The following CAPN2 variants were observed in gnomAD, a reference collection of about 807,000 sequenced individuals.
CAPN2 encodes the protein calpain 2.
Under a neutral mutation model 102.3 loss-of-function variants are expected in CAPN2, and 92 were observed. The observed-to-expected ratio is 0.90, with a 90% confidence interval of 0.76 to 1.07. The LOEUF (loss-of-function observed/expected upper bound fraction) is 1.07, where lower values mean the gene tolerates loss of function less well. CAPN2 is among the 50% of genes least tolerant of loss of function. The pLI is 0.00. For missense variants in CAPN2, 800 were observed against 909.4 expected (o/e 0.88, Z 1.55); for synonymous variants, 340 against 355.4 (o/e 0.96, Z 0.49).
rs1021662189 is a variant in CAPN2 at position 223,775,963 on chromosome 1, A to G, written c.*1106A>G. 13 of 152,586 alleles carry G rather than the reference A, an allele frequency of 8.5e-5. No homozygotes were observed. The highest frequency in any genetic ancestry group is 2.9e-4 in the African/African-American group (12 of 41,452). The allele number at this position is 152,586 out of a possible 1,614,324, so 9.5% of individuals were successfully genotyped here. On this transcript the variant is annotated 3_prime_UTR_variant, in exon 21 of 21. Transcript: ENST00000295006. ...CTCTGTAAATTCATGTATTCAAAGG[A>G]AAAGACACCTTGCCTATAATTAAAA...
intron 6 of CAPN2, 42 bp from the exon 7 acceptor site, chr1:223,750,848 T>G (rs1477994773): frequency 6.5e-7 from 1 of 1,537,972 alleles, no homozygotes; most frequent in Admixed American, 2.0e-5. Context: ...AGCCCTGACT[T>G]GAACTCAACC....
At chr1:223,710,502 C>T (rs998543382), upstream of CAPN2, among the ~76,000 whole-genome samples, 3 of 152,124 alleles carry the variant, frequency 2.0e-5, no homozygotes, top group African/African-American at 7.2e-5. Flanking sequence ...CCTCCTTAGC[C>T]GAGGCTCTTA....
At chr1:223,729,735 G>A (rs1285880571) in intron 2 of CAPN2, among the ~76,000 whole-genome samples, 1 of 152,118 alleles carries the variant, frequency 6.6e-6, no homozygotes, top group Non-Finnish European at 1.5e-5. Context: ...GGGTGCGGTG[G>A]CTCACACCTG....
chr1:223,707,236 T>TTCTCTCTG (rs1659629465), intron 1 of CAPN2, among the ~76,000 whole-genome samples: 1 of 134,058 alleles, frequency 7.5e-6, no homozygotes, highest in African/African-American at 3.0e-5. Context: ...TTCTCTTATT[T>TTCTCTCTG]TCTCTCTCTC....
intron 5 of CAPN2, among the ~76,000 whole-genome samples, chr1:223,748,414 C>T (rs1004649174): frequency 2.0e-5 from 3 of 152,264 alleles, no homozygotes; most frequent in African/African-American, 7.2e-5. Context: ...CTTTCTGCTC[C>T]AGCCCTTCTT....
chr1:223,746,937 TGAG>T, intron 4 of CAPN2, 57 bp from the exon 5 acceptor site: 1 of 1,483,674 alleles, frequency 6.7e-7, no homozygotes, highest in Non-Finnish European at 9.3e-7. Flanking sequence ...GGTGGCTGTT[TGAG>T]AGATTATAGC....
Position 223,719,831 on chromosome 1 carries a change from T to TGTGTGTGTGC in CAPN2, c.307+2001_307+2002insTGTGTGTGCG, listed in dbSNP as rs1491465648. Among the ~76,000 whole-genome samples the TGTGTGTGTGC allele has an allele frequency of 6.8e-3, 661 of 96,760 alleles. 2 individuals are homozygous for TGTGTGTGTGC. The highest frequency in any genetic ancestry group is 0.021 in the Middle Eastern group (3 of 146). 63.5% of individuals were successfully genotyped at this position (96,760 alleles called of 152,430 possible). ...GTGTGTGTGTGTGTGTGTGTGTGTG[T>TGTGTGTGTGC]GCGCGCGCGCGCGTATAATGCAGTA... is the stretch of plus-strand genomic sequence containing the variant. On this transcript the variant is annotated intron_variant, in intron 2 of 20. Coordinates refer to ENST00000295006, the MANE Select transcript of CAPN2 (RefSeq NM_001748.5).
chr1:223,744,483 T>TAA (rs1171801536), intron 3 of CAPN2, among the ~76,000 whole-genome samples: 1 of 148,406 alleles, frequency 6.7e-6, no homozygotes, highest in Non-Finnish European at 1.5e-5. Flanking sequence ...TTCCCAAGTT[T>TAA]AAAAAAAAAA....
At chr1:223,705,859 A>C (rs1659592062) in intron 1 of CAPN2, among the ~76,000 whole-genome samples, 1 of 152,252 alleles carries the variant, frequency 6.6e-6, no homozygotes, top group Admixed American at 6.5e-5. Flanking sequence ...AAATAATTTC[A>C]CATACACTGT....
At chr1:223,715,502 G>A (rs1241514615) in intron 1 of CAPN2, among the ~76,000 whole-genome samples, 4 of 152,130 alleles carry the variant, frequency 2.6e-5, no homozygotes, top group Non-Finnish European at 4.4e-5. Flanking sequence ...GTGGGCAGGG[G>A]AGGGGAGCAG....
Position 223,743,924 on chromosome 1 carries a change from A to G in CAPN2, c.308-176A>G, listed in dbSNP as rs28370049. ...AAAAATCACAATTACTTTTACACCA[A>G]CCTAATAGCCCCCAAACCCTCTGAC... On this transcript the variant is annotated intron_variant, in intron 2 of 20. Transcript: ENST00000295006. Among the ~76,000 whole-genome samples the G allele has an allele frequency of 0.024, 3,692 of 152,014 alleles. 160 individuals are homozygous for G. The highest frequency in any genetic ancestry group is 0.085 in the African/African-American group (3,505 of 41,454).
intron 2 of CAPN2, among the ~76,000 whole-genome samples, chr1:223,741,722 T>G (rs1170084311): frequency 6.6e-6 from 1 of 152,104 alleles, no homozygotes; most frequent in Non-Finnish European, 1.5e-5. Flanking sequence ...CCCAAAGTGC[T>G]GGGATTAAGA....
intron 1 of CAPN2, among the ~76,000 whole-genome samples, chr1:223,716,044 T>C (rs1374539342): frequency 6.6e-6 from 1 of 152,192 alleles, no homozygotes; most frequent in African/African-American, 2.4e-5. Context: ...ACCTACATAA[T>C]AAGTGGCAGA....
chr1:223,753,254 G>A (rs1250345960), intron 9 of CAPN2, among the ~76,000 whole-genome samples: 4 of 152,126 alleles, frequency 2.6e-5, no homozygotes, highest in Non-Finnish European at 5.9e-5. Flanking sequence ...ATGACCTTCA[G>A]CCTGACCTTC....
chr1:223,733,878 A>G (rs1253506737), intron 2 of CAPN2, among the ~76,000 whole-genome samples: 2 of 152,228 alleles, frequency 1.3e-5, no homozygotes, highest in Admixed American at 6.5e-5. Flanking sequence ...AAATGAATAC[A>G]GGAATGCTCA....
At chr1:223,747,336 A>G (rs945191089) in intron 5 of CAPN2, among the ~76,000 whole-genome samples, 171 bp downstream of exon 5, 3 of 152,324 alleles carry the variant, frequency 2.0e-5, no homozygotes, top group Middle Eastern at 3.4e-3. Context: ...CTGAAAATCA[A>G]CTGGCAAAAG....
chr1:223,721,082 C>T (rs955434785), intron 2 of CAPN2, among the ~76,000 whole-genome samples: 9 of 152,226 alleles, frequency 5.9e-5, no homozygotes, highest in Admixed American at 5.2e-4. Context: ...CACCCACGCT[C>T]CTTCCCAGAA....
rs764351128 is a variant in CAPN2, at chr1:223,756,745, G to A, written c.1306-624G>A. 1.2e-4 allele frequency among the ~76,000 whole-genome samples: 18 copies of A among 152,148 alleles called. No homozygotes were observed. The highest frequency in any genetic ancestry group is 3.9e-4 in the Admixed American group (6 of 15,280). ...AATGCACATAGGCCTAAACCCCTCC[G>A]TCTCTGAAACAGGAGCTGAGGACTT... On this transcript the variant is annotated intron_variant, in intron 10 of 20. Transcript: ENST00000295006. This position sits in a 1 kb window ranked among gnomAD's most constrained non-coding sequence, Gnocchi z 4.1.
At chr1:223,717,917 C>A in intron 2 of CAPN2, 86 bp downstream of exon 2, 3 of 1,014,436 alleles carry the variant, frequency 3.0e-6, no homozygotes, top group Admixed American at 3.8e-5. Flanking sequence ...TGGCTTCTCT[C>A]CCTTCCCAAG....
Sources: allele counts gnomAD v4.1 joint callset (sites outside exome capture counted in the v4.1 genomes callset), GRCh38; gene constraint gnomAD v4.1.1; non-coding constraint Gnocchi (gnomAD v3.1); transcripts MANE v1.5; gene names NCBI Gene and HGNC (gene_info 2026-07-23, HGNC 2026-07-21).